The following ROBO2 variants were observed in gnomAD, a reference collection of about 807,000 sequenced individuals.
The protein encoded by ROBO2 is roundabout guidance receptor 2.
ROBO2 carries 53 observed loss-of-function variants against 160.8 expected under a neutral mutation model. The ratio of observed to expected loss-of-function variants is 0.33; its 90% confidence interval spans 0.26 to 0.41. The LOEUF (loss-of-function observed/expected upper bound fraction) is 0.41, where lower values mean the gene tolerates loss of function less well. ROBO2 is among the 10% of genes least tolerant of loss of function. The probability of loss-of-function intolerance (pLI) is 1.00; values close to 1 mark genes in which losing one functional copy is unlikely to be tolerated. For missense variants in ROBO2, 1,577 were observed against 1,722.4 expected (o/e 0.92, Z 1.49); for synonymous variants, 664 against 611.7 (o/e 1.09, Z -1.26).
intron 2 of ROBO2, among the ~76,000 whole-genome samples, chr3:76,008,105 A>G (rs936824577): frequency 6.6e-6 from 1 of 151,718 alleles, no homozygotes; most frequent in Non-Finnish European, 1.5e-5. Context: ...GTGGTAGTGG[A>G]TACCTTTAGT....
chr3:76,258,500 G>C (rs1222737624), intron 2 of ROBO2, among the ~76,000 whole-genome samples: 1 of 151,882 alleles, frequency 6.6e-6, no homozygotes, highest in Non-Finnish European at 1.5e-5. Flanking sequence ...CTTTATAAAA[G>C]TCACCTTAAC....
chr3:77,448,492 C>T (rs553400093), intron 2 of ROBO2, among the ~76,000 whole-genome samples: 6 of 152,204 alleles, frequency 3.9e-5, no homozygotes, highest in African/African-American at 1.4e-4. Context: ...CAAGTGTGAG[C>T]CAATGAAATA....
At chr3:77,335,653 C>T (rs2066420768) in intron 2 of ROBO2, among the ~76,000 whole-genome samples, 1 of 152,086 alleles carries the variant, frequency 6.6e-6, no homozygotes, top group African/African-American at 2.4e-5. Flanking sequence ...TAACAGCTCT[C>T]GCTACGAGTC....
chr3:76,740,936 C>A (rs1306032780), intron 2 of ROBO2, among the ~76,000 whole-genome samples: 2 of 151,996 alleles, frequency 1.3e-5, no homozygotes, highest in Non-Finnish European at 2.9e-5. Context: ...AATTTACTTG[C>A]CTTATCTTAT....
chr3:77,630,162 A>G (rs1232583724), intron 23 of ROBO2: 2 of 152,258 alleles, frequency 1.3e-5, no homozygotes. Context: ...ATGATGTTAC[A>G]TAAATGAGCA....
At chr3:77,168,760 A>G (rs1312848929) in intron 2 of ROBO2, among the ~76,000 whole-genome samples, 1 of 152,150 alleles carries the variant, frequency 6.6e-6, no homozygotes, top group Non-Finnish European at 1.5e-5. Context: ...ATGTTGGTCC[A>G]ATTTGCCTTC....
chr3:76,422,141 C>T (rs2076021628), intron 2 of ROBO2, among the ~76,000 whole-genome samples: 1 of 152,102 alleles, frequency 6.6e-6, no homozygotes, highest in Admixed American at 6.6e-5. Context: ...TGCCTGGTGA[C>T]ATTATAACCT....
At chr3:77,350,195 G>A (rs1176802743) in intron 2 of ROBO2, among the ~76,000 whole-genome samples, 1 of 151,708 alleles carries the variant, frequency 6.6e-6, no homozygotes, top group Non-Finnish European at 1.5e-5. Flanking sequence ...GATCGCTTGA[G>A]CCCAGGAGTT....
intron 1 of ROBO2, among the ~76,000 whole-genome samples, chr3:77,056,458 T>A (rs2065753958): frequency 2.0e-5 from 3 of 152,252 alleles, no homozygotes; most frequent in South Asian, 4.1e-4. Flanking sequence ...CATGCAGTGT[T>A]TTTTTTACTT....
chr3:76,013,200 A>G (rs1009683277), intron 2 of ROBO2, among the ~76,000 whole-genome samples: 18 of 149,416 alleles, frequency 1.2e-4, no homozygotes, highest in African/African-American at 4.5e-4. Context: ...TAATATGTAT[A>G]AAGGCAATTG....
At chr3:76,276,106 C>G (rs1707903563) in intron 2 of ROBO2, among the ~76,000 whole-genome samples, 1 of 151,926 alleles carries the variant, frequency 6.6e-6, no homozygotes, top group Non-Finnish European at 1.5e-5. Context: ...AAAAATCCAA[C>G]AGTCAAGGTC....
At chr3:75,954,210 T>TCTTCTGA (rs1487758165) in intron 2 of ROBO2, among the ~76,000 whole-genome samples, 2 of 151,900 alleles carry the variant, frequency 1.3e-5, no homozygotes, top group African/African-American at 4.8e-5. Context: ...TCTCTGTATT[T>TCTTCTGA]GTTCCATTTA....
intron 2 of ROBO2, among the ~76,000 whole-genome samples, chr3:76,272,112 A>G (rs1378283562): frequency 6.6e-6 from 1 of 152,108 alleles, no homozygotes; most frequent in African/African-American, 2.4e-5. Flanking sequence ...TATTATTGCA[A>G]AGTTATTATT....
At chr3:76,210,547 T>A (rs1471560802) in intron 2 of ROBO2, among the ~76,000 whole-genome samples, 4 of 152,124 alleles carry the variant, frequency 2.6e-5, no homozygotes, top group Non-Finnish European at 5.9e-5. Flanking sequence ...AATACCAAAT[T>A]TATTTTTAGC....
intron 2 of ROBO2, among the ~76,000 whole-genome samples, chr3:76,052,075 C>T (rs1169510540): frequency 6.6e-6 from 1 of 152,024 alleles, no homozygotes; most frequent in Non-Finnish European, 1.5e-5. Context: ...ACACACACCT[C>T]ATAAATTTAA....
At chr3:76,587,345 C>T (rs148494737) in intron 2 of ROBO2, among the ~76,000 whole-genome samples, 16 of 152,146 alleles carry the variant, frequency 1.1e-4, no homozygotes, top group East Asian at 3.9e-4. Context: ...TCCATTCTCA[C>T]GCTCCTATAA....
chr3:77,321,864 CTTTG>C (rs1413215237), intron 2 of ROBO2, among the ~76,000 whole-genome samples: 1 of 152,002 alleles, frequency 6.6e-6, no homozygotes, highest in Non-Finnish European at 1.5e-5. Flanking sequence ...CAAAGTGGCC[CTTTG>C]TTTGAGACGG....
chr3:77,224,738 A>G (rs533434480), intron 2 of ROBO2, among the ~76,000 whole-genome samples: 27 of 152,018 alleles, frequency 1.8e-4, no homozygotes, highest in African/African-American at 6.0e-4. Flanking sequence ...TTCTCCTAAA[A>G]CAACAGAAAA....
intron 2 of ROBO2, among the ~76,000 whole-genome samples, chr3:77,110,806 A>G (rs35904977): frequency 0.26 from 39,123 of 151,472 alleles, 6,931 homozygotes; most frequent in African/African-American, 0.51. Context: ...TGATCCTTCC[A>G]CCTCAGTCTT....
Sources: gnomAD v4.1 joint callset for allele counts (sites outside exome capture counted in the v4.1 genomes callset) on GRCh38, gnomAD v4.1.1 for gene constraint, MANE v1.5 for transcripts, NCBI Gene and HGNC (gene_info 2026-07-23, HGNC 2026-07-21) for gene names.